The following MTHFD2L variants were observed in gnomAD, a reference collection of about 807,000 sequenced individuals.
MTHFD2L encodes the protein methylenetetrahydrofolate dehydrogenase (NADP+ dependent) 2 like, also known as bifunctional methylenetetrahydrofolate dehydrogenase/cyclohydrolase 2, mitochondrial.
Under a neutral mutation model 34.9 loss-of-function variants are expected in MTHFD2L, and 29 were observed. The observed-to-expected ratio is 0.83, with a 90% CI of 0.62 to 1.13. MTHFD2L has a LOEUF of 1.13. Ranked by LOEUF, MTHFD2L falls within the 50% of genes most tolerant of loss-of-function variation. MTHFD2L has a pLI of 0.00. For missense variants in MTHFD2L, 481 were observed against 446.5 expected (o/e 1.08, Z -0.70); for synonymous variants, 167 against 155.7 (o/e 1.07, Z -0.54).
chr4:74,213,560 G>T (rs989014511), intron 5 of MTHFD2L, among the ~76,000 whole-genome samples: 1 of 152,198 alleles, frequency 6.6e-6, no homozygotes, highest in Non-Finnish European at 1.5e-5. Flanking sequence ...TTTCTGCAGA[G>T]AGATCTGTTG....
At chr4:74,281,404 A>G (rs773482822) in intron 6 of MTHFD2L, 21 bp from the exon 7 acceptor site, 3 of 1,606,500 alleles carry the variant, frequency 1.9e-6, no homozygotes, top group African/African-American at 1.4e-5. Context: ...CTGAAGGACA[A>G]ACAACTCTTT....
intron 5 of MTHFD2L, among the ~76,000 whole-genome samples, chr4:74,219,427 C>T (rs1737766890): frequency 6.6e-6 from 1 of 152,054 alleles, no homozygotes; most frequent in Non-Finnish European, 1.5e-5. Context: ...ATATGCATCA[C>T]TCTTGAGTAC....
At chr4:74,117,942 A>T (rs1243155055) in intron 2 of MTHFD2L, among the ~76,000 whole-genome samples, 1 of 152,142 alleles carries the variant, frequency 6.6e-6, no homozygotes, top group Non-Finnish European at 1.5e-5. Flanking sequence ...ACTACATTTT[A>T]CTTGCCACTT....
chr4:74,280,807 C>T (rs539585984), intron 6 of MTHFD2L, among the ~76,000 whole-genome samples: 5 of 151,844 alleles, frequency 3.3e-5, no homozygotes, highest in African/African-American at 7.2e-5. Flanking sequence ...GAATCATATA[C>T]GGACATCGTG....
chr4:74,118,446 C>T (rs1721692721), upstream of MTHFD2L, among the ~76,000 whole-genome samples: 1 of 152,144 alleles, frequency 6.6e-6, no homozygotes, highest in South Asian at 2.1e-4. Context: ...AGAAACAGAG[C>T]AAAGGCATTT....
chr4:74,188,609 G>T (rs1460581836), intron 3 of MTHFD2L, among the ~76,000 whole-genome samples: 2 of 151,910 alleles, frequency 1.3e-5, no homozygotes, highest in Non-Finnish European at 2.9e-5. Context: ...GGATTATGAA[G>T]AGAGTAGGAG....
In MTHFD2L at chr4:74,152,022, C is replaced by A. The variant is rs1270455291; in HGVS notation, c.-296-8033C>A. On this transcript the variant is annotated intron_variant, in intron 1 of 7. Coordinates refer to the MTHFD2L transcript ENST00000433372. ...TTTATGTGATATATGAACTGACACA[C>A]TTCCAATATTATCCTAATTAACCCA... Among the ~76,000 whole-genome samples, 3 of 152,214 alleles carry A rather than the reference C, an allele frequency of 2.0e-5. No homozygotes were observed. In the East Asian group the frequency reaches 5.8e-4, roughly 29 times the overall value.
chr4:74,262,327 T>C (rs549065408), intron 6 of MTHFD2L, among the ~76,000 whole-genome samples: 2 of 151,950 alleles, frequency 1.3e-5, no homozygotes, highest in African/African-American at 2.4e-5. Context: ...TTAGAGCAGG[T>C]AGGATTTTCT....
upstream of MTHFD2L, among the ~76,000 whole-genome samples, chr4:74,124,727 T>C (rs529783158): frequency 6.6e-6 from 1 of 152,238 alleles, no homozygotes; most frequent in East Asian, 1.9e-4. Context: ...CTGCTTCCAT[T>C]GTGCCAAGTA....
At chr4:74,288,921 T>C (rs771333146) in intron 7 of MTHFD2L, among the ~76,000 whole-genome samples, 51 of 152,206 alleles carry the variant, frequency 3.4e-4, no homozygotes, top group Non-Finnish European at 5.7e-4. Context: ...GTGACTTTCA[T>C]TTTTTATATC....
At chr4:74,140,645 AT>A in intron 1 of MTHFD2L, 1 of 680,068 alleles carries the variant, frequency 1.5e-6, no homozygotes, top group Non-Finnish European at 1.8e-6. Flanking sequence ...AGACTGGGTA[AT>A]TTATAAAGGA....
intron 6 of MTHFD2L, among the ~76,000 whole-genome samples, chr4:74,238,766 T>C (rs899158693): frequency 2.6e-5 from 4 of 152,096 alleles, no homozygotes; most frequent in African/African-American, 4.8e-5. Flanking sequence ...ATCAGAGAAG[T>C]GCAAATCAAA....
chr4:74,164,166 A>G (rs541001113), intron 1 of MTHFD2L, among the ~76,000 whole-genome samples: 34 of 152,278 alleles, frequency 2.2e-4, no homozygotes, highest in Middle Eastern at 3.4e-3. Context: ...GTGAGCCACC[A>G]TGCCTGGCCA....
At chr4:74,301,202 A>G (rs1750271310) in intron 7 of MTHFD2L, among the ~76,000 whole-genome samples, 1 of 152,090 alleles carries the variant, frequency 6.6e-6, no homozygotes, top group Non-Finnish European at 1.5e-5. Flanking sequence ...TGTGTTCATA[A>G]TTCAAGTATA....
At chr4:74,122,526 G>A (rs1302668825), upstream of MTHFD2L, among the ~76,000 whole-genome samples, 2 of 152,178 alleles carry the variant, frequency 1.3e-5, no homozygotes, top group Non-Finnish European at 2.9e-5. Context: ...GGATTTGGGT[G>A]GGGACACAGA....
chr4:74,132,712 A>G (rs559772370), intron 1 of MTHFD2L, among the ~76,000 whole-genome samples: 1 of 152,328 alleles, frequency 6.6e-6, no homozygotes, highest in East Asian at 1.9e-4. Flanking sequence ...CATTCTGCAC[A>G]TGTATCTCAG....
chr4:74,154,629 T>C (rs1724137432), upstream of MTHFD2L, among the ~76,000 whole-genome samples: 3 of 152,214 alleles, frequency 2.0e-5, no homozygotes, highest in South Asian at 4.1e-4. Context: ...CCCATCAATG[T>C]GGGATTTATT....
intron 7 of MTHFD2L, chr4:74,288,174 G>A (rs192484157): frequency 1.3e-5 from 2 of 152,182 alleles, no homozygotes; most frequent in Non-Finnish European, 2.9e-5. Context: ...TGAGGTACTG[G>A]GGTTAAGACT....
intron 7 of MTHFD2L, among the ~76,000 whole-genome samples, chr4:74,295,935 C>T (rs16850866): frequency 0.11 from 16,644 of 152,188 alleles, 2,361 homozygotes; most frequent in African/African-American, 0.33. Context: ...CCCAGATCCT[C>T]TTGACACCTT....
Sources: allele counts gnomAD v4.1 joint callset (sites outside exome capture counted in the v4.1 genomes callset), GRCh38; gene constraint gnomAD v4.1.1; transcripts MANE v1.5; gene names NCBI Gene and HGNC (gene_info 2026-07-23, HGNC 2026-07-21).